Variants in SGCZ observed in about 807,000 individuals in gnomAD.
SGCZ encodes zeta-sarcoglycan.
In SGCZ, 40 loss-of-function variants were observed where a neutral mutation model predicts 41.3. The ratio of observed to expected loss-of-function variants is 0.97; its 90% confidence interval spans 0.75 to 1.26. The LOEUF is 1.26. Ranked by LOEUF, SGCZ falls within the 50% of genes most tolerant of loss-of-function variation. The pLI, the probability that SGCZ is intolerant of heterozygous loss-of-function variation, is 0.00. For missense variants in SGCZ, 552 were observed against 369.8 expected, an observed-to-expected ratio of 1.49 and a Z score of -4.04; for synonymous variants, 206 against 137.5, an observed-to-expected ratio of 1.50 and a Z score of -3.49.
intron 1 of SGCZ, among the ~76,000 whole-genome samples, chr8:14,740,871 C>T (rs1324400442): frequency 6.6e-6 from 1 of 151,974 alleles, no homozygotes; most frequent in Non-Finnish European, 1.5e-5. Context: ...TATGTTTAAA[C>T]ATACAGTTGT....
intron 1 of SGCZ, among the ~76,000 whole-genome samples, chr8:14,857,470 AT>A (rs1254543506): frequency 1.3e-5 from 2 of 152,204 alleles, no homozygotes; most frequent in Non-Finnish European, 2.9e-5. Context: ...TGCTAAAATT[AT>A]TTTTACAAGA....
chr8:14,217,485 C>T (rs1392820461), intron 4 of SGCZ, among the ~76,000 whole-genome samples: 2 of 151,846 alleles, frequency 1.3e-5, no homozygotes, highest in Non-Finnish European at 1.5e-5. Flanking sequence ...TGTGGGGAAC[C>T]TCTTTGCACA....
intron 1 of SGCZ, among the ~76,000 whole-genome samples, chr8:15,211,528 G>T (rs1180752773): frequency 6.6e-6 from 1 of 152,096 alleles, no homozygotes; most frequent in Non-Finnish European, 1.5e-5. Context: ...ACAGTCAAAA[G>T]AGAAGGTCTC....
rs957943613 is a variant in SGCZ, at chr8:14,519,757, G to A, written c.234+34975C>T. On this transcript the variant is annotated intron_variant, in intron 2 of 7. Transcript: ENST00000382080. ...TTTCAAGTTTTGCATAGAATATATTGGTTTTTGTTGAAAGTAATCATGAGA... is the reference window on the plus strand; with the variant it reads ...TTTCAAGTTTTGCATAGAATATATTAGTTTTTGTTGAAAGTAATCATGAGA... 2.0e-5 allele frequency among the ~76,000 whole-genome samples: 3 copies of A among 151,776 alleles called. No homozygotes were observed. The East Asian group carries it at 5.8e-4, about 29-fold the overall frequency.
intron 1 of SGCZ, among the ~76,000 whole-genome samples, chr8:14,883,837 G>C (rs1285723242): frequency 2.3e-5 from 2 of 87,176 alleles, no homozygotes; most frequent in Admixed American, 2.6e-4. Flanking sequence ...TGTTGTTGTT[G>C]TTTGTTTCTA....
intron 2 of SGCZ, among the ~76,000 whole-genome samples, chr8:14,424,980 C>T (rs1015970365): frequency 5.3e-5 from 8 of 152,194 alleles, no homozygotes; most frequent in African/African-American, 1.2e-4. Context: ...GAGAAAAATA[C>T]GTAAATATCA....
intron 1 of SGCZ, among the ~76,000 whole-genome samples, chr8:14,990,574 T>C (rs1478544444): frequency 6.6e-6 from 1 of 152,072 alleles, no homozygotes. Context: ...CCCAATGATT[T>C]GTCACTGTCT....
At chr8:14,321,631 A>C (rs1048518028) in intron 3 of SGCZ, among the ~76,000 whole-genome samples, 2 of 152,094 alleles carry the variant, frequency 1.3e-5, no homozygotes, top group Non-Finnish European at 2.9e-5. Flanking sequence ...ATAGAGGTTA[A>C]ACATACACAA....
In SGCZ at chr8:14,582,923, G is replaced by C. The variant is rs551758963; in HGVS notation, c.40-27997C>G. Among the ~76,000 whole-genome samples the C allele has an allele frequency of 7.5e-3, 1,135 of 151,888 alleles. 10 individuals carry two copies. Among genetic ancestry groups the C allele is most frequent in the African/African-American group, 0.025 (1,043 of 41,362 alleles). Reference sequence around the variant, plus strand: ...CAGTCTATCATTGTTGGACATTTGGGTTGGTTCCAAGTCTTTGCTATGGTG... The same window carrying C: ...CAGTCTATCATTGTTGGACATTTGGCTTGGTTCCAAGTCTTTGCTATGGTG... On this transcript the variant is annotated intron_variant, in intron 1 of 7. Transcript: ENST00000382080.
At chr8:14,422,388 G>T (rs1189835518) in intron 2 of SGCZ, among the ~76,000 whole-genome samples, 2 of 152,226 alleles carry the variant, frequency 1.3e-5, no homozygotes, top group African/African-American at 2.4e-5. Context: ...TGATAGACAA[G>T]ACTTGAATAA....
intron 1 of SGCZ, among the ~76,000 whole-genome samples, chr8:15,007,467 G>A (rs1176226229): frequency 6.6e-6 from 1 of 152,218 alleles, no homozygotes; most frequent in Non-Finnish European, 1.5e-5. Flanking sequence ...AGGCAACAGA[G>A]GGTAATATTG....
chr8:14,471,299 A>T (rs1236022685), intron 2 of SGCZ, among the ~76,000 whole-genome samples: 2 of 152,162 alleles, frequency 1.3e-5, no homozygotes, highest in African/African-American at 4.8e-5. Flanking sequence ...AATAATTTGC[A>T]GTGCTGAAAA....
At chr8:14,190,381 GTA>G (rs1359351129) in intron 4 of SGCZ, among the ~76,000 whole-genome samples, 1 of 149,106 alleles carries the variant, frequency 6.7e-6, no homozygotes, top group Non-Finnish European at 1.5e-5. Flanking sequence ...GTGTGTGTGT[GTA>G]TATATATATA....
At chr8:14,641,024 C>T (rs1807006546) in intron 1 of SGCZ, among the ~76,000 whole-genome samples, 2 of 151,596 alleles carry the variant, frequency 1.3e-5, no homozygotes, top group African/African-American at 4.8e-5. Flanking sequence ...TTTGAGAATT[C>T]CATTAGAAAA....
intron 2 of SGCZ, among the ~76,000 whole-genome samples, chr8:14,479,430 T>G (rs965528226): frequency 6.6e-6 from 1 of 152,122 alleles, no homozygotes. Context: ...AGATTGAGGG[T>G]GGGTTTGGGT....
intron 2 of SGCZ, among the ~76,000 whole-genome samples, chr8:14,449,651 T>C (rs1297528312): frequency 6.6e-6 from 1 of 152,160 alleles, no homozygotes; most frequent in Non-Finnish European, 1.5e-5. Flanking sequence ...TAAGTAGATC[T>C]AAAGATAGAC....
chr8:14,545,222 A>G (rs1351346301), intron 2 of SGCZ, among the ~76,000 whole-genome samples: 1 of 152,154 alleles, frequency 6.6e-6, no homozygotes, highest in Non-Finnish European at 1.5e-5. Flanking sequence ...TAAATGGTAG[A>G]AATACTTATT....
chr8:14,598,687 G>A (rs568239892), intron 1 of SGCZ, among the ~76,000 whole-genome samples: 10 of 151,944 alleles, frequency 6.6e-5, no homozygotes, highest in Non-Finnish European at 1.0e-4. Flanking sequence ...CATCACACCC[G>A]GCTAATTTTT....
intron 1 of SGCZ, among the ~76,000 whole-genome samples, chr8:14,593,980 G>C (rs1269868409): frequency 2.6e-5 from 4 of 152,002 alleles, no homozygotes; most frequent in African/African-American, 4.8e-5. Context: ...TTCGAGAGCA[G>C]TCTGGCCCAC....
Sources: allele counts gnomAD v4.1 joint callset (sites outside exome capture counted in the v4.1 genomes callset), GRCh38; gene constraint gnomAD v4.1.1; transcripts MANE v1.5; gene names NCBI Gene and HGNC (gene_info 2026-07-23, HGNC 2026-07-21).